The following DPH1 variants were observed in gnomAD, a reference collection of about 807,000 sequenced individuals.
DPH1 encodes the protein diphthamide biosynthesis 1.
In DPH1, 59 loss-of-function variants were observed where a neutral mutation model predicts 55.3. The observed-to-expected ratio is 1.07, with a 90% CI of 0.87 to 1.33. DPH1 has a LOEUF of 1.33. DPH1 is among the 40% of genes most tolerant of loss of function. The probability of loss-of-function intolerance (pLI) is 0.00; values close to 1 mark genes in which losing one functional copy is unlikely to be tolerated. For missense variants in DPH1, 628 were observed against 584.8 expected, an observed-to-expected ratio of 1.07 and a Z score of -0.76; for synonymous variants, 238 against 235.5, an observed-to-expected ratio of 1.01 and a Z score of -0.10.
intron 12 of DPH1, 37 bp from the exon 13 acceptor site, chr17:2,042,568 T>G: frequency 6.7e-7 from 1 of 1,497,648 alleles, no homozygotes; most frequent in Non-Finnish European, 8.9e-7. Context: ...GAGCCTCCCA[T>G]GCCCTAATCC....
rs1295861403 is a variant in DPH1, at chr17:2,036,727, A to G, written c.558+41A>G. On this transcript the variant is annotated intron_variant, in intron 5 of 12. Coordinates refer to ENST00000263083, the MANE Select transcript of DPH1 (RefSeq NM_001383.6). This position sits in a 1 kb window ranked among gnomAD's most constrained non-coding sequence, Gnocchi z 4.8. ...ATCCTCGGCCTCCTGCAGGGTGGACAGCGGCCACTCTCCAGCTGTTGCGGG... is the reference window on the plus strand; with the variant it reads ...ATCCTCGGCCTCCTGCAGGGTGGACGGCGGCCACTCTCCAGCTGTTGCGGG... 1 of 1,611,478 alleles carries G rather than the reference A, an allele frequency of 6.2e-7. No individual in the cohort carries two copies. Among genetic ancestry groups the G allele is most frequent in the African/African-American group, 1.3e-5 (1 of 75,006 alleles).
At chr17:2,032,805 G>T (rs1378073508) in intron 1 of DPH1, among the ~76,000 whole-genome samples, 1 of 152,192 alleles carries the variant, frequency 6.6e-6, no homozygotes, top group Non-Finnish European at 1.5e-5. Flanking sequence ...GTGCAGCGGC[G>T]TGATCTCGGC....
rs769380354 is a variant in DPH1 at position 2,042,856 on chromosome 17, C to T, written c.*270C>T. On this transcript the variant is annotated 3_prime_UTR_variant, in exon 13 of 13. Coordinates refer to ENST00000263083, the MANE Select transcript of DPH1 (RefSeq NM_001383.6). ...CCGCTTCCCCTTGCCACGGTTTATC[C>T]TCTTGGTGTCTGGTTTCTGTCCCCG... 16 of 1,614,042 alleles carry T rather than the reference C, an allele frequency of 9.9e-6. No individual in the cohort carries two copies. The highest frequency in any genetic ancestry group is 1.3e-5 in the African/African-American group (1 of 74,942).
intron 6 of DPH1, chr17:2,039,502 C>T (rs962861261): frequency 3.3e-5 from 14 of 424,206 alleles, no homozygotes; most frequent in South Asian, 7.2e-5. Flanking sequence ...CTCAGCCTCC[C>T]GAGTAGCTGG....
At position 2,043,179 on chromosome 17, in the gene DPH1, C is replaced by T. The variant is rs1361513535; in HGVS notation, c.*593C>T. The T allele has an allele frequency of 9.2e-6, 14 of 1,513,908 alleles. No homozygotes were observed. The highest frequency in any genetic ancestry group is 1.2e-5 in the South Asian group (1 of 81,684). 93.8% of individuals were successfully genotyped at this position (1,513,908 alleles called of 1,614,324 possible). On this transcript the variant is annotated 3_prime_UTR_variant, in exon 13 of 13. Transcript: ENST00000263083. ...CTCCGTCATCCATGCCCTCCCAGGACCCTCCACTCACTGCTGTGAGTGCGC... is the reference window on the plus strand; with the variant it reads ...CTCCGTCATCCATGCCCTCCCAGGATCCTCCACTCACTGCTGTGAGTGCGC...
chr17:2,040,060 C>G (rs1172726294), intron 7 of DPH1, among the ~76,000 whole-genome samples, 158 bp from the exon 8 acceptor site: 1 of 152,218 alleles, frequency 6.6e-6, no homozygotes, highest in Non-Finnish European at 1.5e-5. Context: ...AGCTGTGGGA[C>G]AGGTCTTCCT....
Position 2,033,539 on chromosome 17 carries a change from C to G in DPH1, c.96C>G (p.Ile32Met). ...RAPRGRVANQ[I>M]PPEILKNPQL... is the part of the protein sequence containing the mutation. ...CTCGGGGCCGCGTGGCCAATCAGATCCCCCCTGAGATCCTGAAGAACCCTC... is the reference window on the plus strand; with the variant it reads ...CTCGGGGCCGCGTGGCCAATCAGATGCCCCCTGAGATCCTGAAGAACCCTC... Residue 32 changes from isoleucine to methionine, a missense_variant, in exon 2 of 13, where the codon ATC becomes ATG. Ile to Met is a conservative substitution (Grantham distance 10, BLOSUM62 1). Coordinates refer to ENST00000263083, the MANE Select transcript of DPH1 (RefSeq NM_001383.6). The G allele has an allele frequency of 1.2e-6, 2 of 1,614,176 alleles. No individual in the cohort carries two copies. The highest frequency in any genetic ancestry group is 1.6e-4 in the Middle Eastern group (1 of 6,062).
chr17:2,035,888 T>C, intron 3 of DPH1, 82 bp from the exon 4 acceptor site: 1 of 1,580,448 alleles, frequency 6.3e-7, no homozygotes, highest in Non-Finnish European at 8.6e-7. Flanking sequence ...AGCTGGGCCC[T>C]GAGACACCCT....
Position 2,041,464 on chromosome 17 carries a change from TCCCTC to T in DPH1, c.1087-7_1087-3del, listed in dbSNP as rs768649036. The T allele has an allele frequency of 2.4e-5, 39 of 1,591,982 alleles. No individual in the cohort carries two copies. In the African/African-American group the frequency reaches 4.3e-4, roughly 18 times the overall value. ...AAACACTGGCAGATGTTATTGTCCCTCCCTCCCCTCCCCTAGGCGGCCGTGGCTCT... is the reference window on the plus strand; with the variant it reads ...AAACACTGGCAGATGTTATTGTCCCTCCCTCCCCTAGGCGGCCGTGGCTCT... On this transcript the variant is annotated splice_polypyrimidine_tract_variant and intron_variant, in intron 10 of 12. Transcript: ENST00000263083.
rs749351056 is a variant in DPH1, at chr17:2,033,510, G to T, written c.67G>T (p.Ala23Ser). 6.2e-7 allele frequency: 1 copy of T among 1,614,022 alleles called. No individual in the cohort carries two copies. The highest frequency in any genetic ancestry group is 8.5e-7 in the Non-Finnish European group (1 of 1,180,030). ...GGRDGPGRGRAPRGRVANQIP... is the reference protein window; with the variant it reads ...GGRDGPGRGRSPRGRVANQIP... ...AGGCCTTATATCCATTCTAGGTCGG[G>T]CCCCTCGGGGCCGCGTGGCCAATCA... The change falls in exon 2 of 13, where the codon GCC becomes TCC. Residue 23 changes from alanine (A) to serine (S), a missense_variant. Ala to Ser is a moderately conservative substitution (Grantham distance 99). Transcript: ENST00000263083.
chr17:2,030,638 C>G (rs1317491592), intron 1 of DPH1, among the ~76,000 whole-genome samples: 2 of 152,194 alleles, frequency 1.3e-5, no homozygotes, highest in Non-Finnish European at 2.9e-5. Context: ...AATGCCAGGC[C>G]TGCGCTGGGT....
In DPH1 at chr17:2,033,357, T is replaced by C. The variant is rs1176711414; in HGVS notation, c.62-148T>C. 4 of 1,161,430 alleles carry C rather than the reference T, an allele frequency of 3.4e-6. No homozygotes were observed. In the African/African-American group the frequency reaches 6.2e-5, roughly 18 times the overall value. The allele number at this position is 1,161,430 out of a possible 1,614,324, so 71.9% of individuals were successfully genotyped here. On this transcript the variant is annotated intron_variant, in intron 1 of 12. Transcript: ENST00000263083. ...TTGCTGGTTGTAGGGCTAGCTAAGA[T>C]GCCTGGGATTTTTCTTGAGATGACT... is the stretch of plus-strand genomic sequence containing the variant.
In DPH1 at chr17:2,036,931, C is replaced by A; in HGVS notation, c.655C>A (p.Leu219Met). 1.2e-6 allele frequency: 2 copies of A among 1,613,822 alleles called. No homozygotes were observed. Among genetic ancestry groups the A allele is most frequent in the Non-Finnish European group, 8.5e-7 (1 of 1,179,970 alleles). Residue 219 changes from leucine to methionine, a missense_variant, in exon 6 of 13, where the codon CTG becomes ATG. Transcript: ENST00000263083. The surrounding 1 kb of genome is among the most constrained non-coding windows in gnomAD (Gnocchi z 4.8). ...GATCCTGGGCTGCACATCCCCCCGA[C>A]TGTCCAAAGAGGTGGAGGCCGTTGT... ...GEILGCTSPR[L>M]SKEVEAVVYL...
At chr17:2,034,906 A>C (rs1251778629) in intron 3 of DPH1, 3 of 94,050 alleles carry the variant, frequency 3.2e-5, no homozygotes, top group Non-Finnish European at 6.1e-5. Flanking sequence ...CCCTGCTCCC[A>C]CCGTCTTGCC....
Position 2,036,539 on chromosome 17 carries a change from C to T in DPH1, c.411C>T (p.Asp137=), listed in dbSNP as rs758550642. 28 of 1,613,914 alleles carry T rather than the reference C, an allele frequency of 1.7e-5. No individual in the cohort carries two copies. Among genetic ancestry groups the T allele is most frequent in the South Asian group, 4.4e-5 (4 of 91,090 alleles). Residue 137 remains aspartate, a synonymous_variant, in exon 5 of 13, where the codon GAC becomes GAT. Transcript: ENST00000263083. This position sits in a 1 kb window ranked among gnomAD's most constrained non-coding sequence, Gnocchi z 4.8. ...TCCTCCCTCCCACAGTTCCCATGGA[C>T]ACCTCGGCCCAAGACTTCCGGGTGC... ...HYGHSCLIPM[D]TSAQDFRVLY...
rs187281890 is a variant in DPH1 at position 2,040,939 on chromosome 17, G to A, written c.1008-164G>A. On this transcript the variant is annotated intron_variant, in intron 9 of 12. Transcript: ENST00000263083. ...CGGCAGAGGAAACAGGAGAAAACAC[G>A]CAACAATACAGTATTCCAAACAGCA... 1,079 of 727,116 alleles carry A rather than the reference G, an allele frequency of 1.5e-3. 27 individuals carry two copies. The South Asian group carries it at 0.018, about 12-fold the overall frequency. The allele number at this position is 727,116 out of a possible 1,614,324, so 45.0% of individuals were successfully genotyped here.
rs1358633428 is a variant in DPH1, at chr17:2,039,463, C to T, written c.681-292C>T. 24 of 317,758 alleles carry T rather than the reference C, an allele frequency of 7.6e-5. 1 individual carries two copies. Among genetic ancestry groups the T allele is most frequent in the South Asian group, 4.4e-4 (13 of 29,410 alleles). 19.7% of individuals were successfully genotyped at this position (317,758 alleles called of 1,614,324 possible). A position where few individuals can be genotyped will look rare whatever the true frequency, so the allele number is the denominator to read the frequency against. On this transcript the variant is annotated intron_variant, in intron 6 of 12. Coordinates refer to ENST00000263083, the MANE Select transcript of DPH1 (RefSeq NM_001383.6). ...CGCGATCTCAGCTCACTGCAAGCTACGCCTCCCGGGTTCACGCCATTCTCC... is the reference window on the plus strand; with the variant it reads ...CGCGATCTCAGCTCACTGCAAGCTATGCCTCCCGGGTTCACGCCATTCTCC...
rs780024264 is a variant in DPH1, at chr17:2,036,467, C to T, written c.401-62C>T. On this transcript the variant is annotated intron_variant, in intron 4 of 12. Coordinates refer to ENST00000263083, the MANE Select transcript of DPH1 (RefSeq NM_001383.6). This position sits in a 1 kb window ranked among gnomAD's most constrained non-coding sequence, Gnocchi z 4.8. Reference sequence around the variant, plus strand: ...CGCCTGGCTGCTCAGAGACCTGAGCCTGGCCGGGCCCTCTGCTGCTCCTGC... The same window carrying T: ...CGCCTGGCTGCTCAGAGACCTGAGCTTGGCCGGGCCCTCTGCTGCTCCTGC... The T allele has an allele frequency of 2.8e-5, 44 of 1,593,506 alleles. No homozygotes were observed. The highest frequency in any genetic ancestry group is 3.8e-5 in the Non-Finnish European group (44 of 1,167,064).
chr17:2,041,852 C>G lies in DPH1; in HGVS notation c.1312C>G (p.Pro438Ala). ...GGACGAGAAGGTGGCGCCGCTGGCT[C>G]CTTGACGCGCTCCCGGGCCTCAGGT... ...CRDEKVAPLA[P>A] is the part of the protein sequence containing the mutation. The change falls in exon 12 of 13, where the codon CCT (proline) becomes GCT (alanine). Residue 438 changes from proline to alanine, a missense_variant. Coordinates refer to ENST00000263083, the MANE Select transcript of DPH1 (RefSeq NM_001383.6). The G allele has an allele frequency of 6.3e-7, 1 of 1,594,702 alleles. No individual in the cohort carries two copies. The highest frequency in any genetic ancestry group is 8.5e-7 in the Non-Finnish European group (1 of 1,173,072).
Sources: allele counts gnomAD v4.1 joint callset (sites outside exome capture counted in the v4.1 genomes callset), GRCh38; gene constraint gnomAD v4.1.1; non-coding constraint Gnocchi (gnomAD v3.1); transcripts MANE v1.5; gene names NCBI Gene and HGNC (gene_info 2026-07-23, HGNC 2026-07-21).